CLYBL: variants seen among roughly 807,000 people sequenced by gnomAD.
The protein encoded by CLYBL is citramalyl-CoA lyase.
A neutral mutation model predicts 38.9 loss-of-function variants in CLYBL; 31 were observed. The observed-to-expected ratio is 0.80, with a 90% CI of 0.60 to 1.08. The LOEUF (loss-of-function observed/expected upper bound fraction) is 1.08, where lower values mean the gene tolerates loss of function less well. Among genes scored for constraint, CLYBL ranks in the 50% least tolerant of loss-of-function variants. CLYBL has a pLI of 0.00. For missense variants in CLYBL, 434 were observed against 411.6 expected (o/e 1.05, Z -0.47); for synonymous variants, 171 against 158.6 (o/e 1.08, Z -0.59).
chr13:99,756,458 A>G (rs1327938728), intron 1 of CLYBL, among the ~76,000 whole-genome samples: 2 of 152,144 alleles, frequency 1.3e-5, no homozygotes, highest in Non-Finnish European at 2.9e-5. Flanking sequence ...GAGTGATTTA[A>G]TTGGTTTGGA....
chr13:99,799,760 C>G (rs1390308568), intron 2 of CLYBL, among the ~76,000 whole-genome samples: 1 of 152,216 alleles, frequency 6.6e-6, no homozygotes, highest in African/African-American at 2.4e-5. Flanking sequence ...CTGTGCAGAT[C>G]CATCACATGT....
intron 1 of CLYBL, among the ~76,000 whole-genome samples, chr13:99,692,276 T>TG (rs1343394907): frequency 8.9e-6 from 1 of 111,996 alleles, no homozygotes; most frequent in Non-Finnish European, 2.0e-5. Context: ...AGTTCACATT[T>TG]GTTTTTTTTG....
chr13:99,697,807 C>G (rs979422168), intron 1 of CLYBL, among the ~76,000 whole-genome samples: 2 of 151,384 alleles, frequency 1.3e-5, no homozygotes, highest in Non-Finnish European at 2.9e-5. Flanking sequence ...CCACCACACC[C>G]AGCTAATTTT....
chr13:99,620,379 C>T (rs2046774334), intron 1 of CLYBL, among the ~76,000 whole-genome samples: 1 of 152,164 alleles, frequency 6.6e-6, no homozygotes, highest in African/African-American at 2.4e-5. Flanking sequence ...TCTGCCTGTT[C>T]TAGGGCCCAT....
intron 1 of CLYBL, among the ~76,000 whole-genome samples, chr13:99,748,445 T>TGG (rs1175810683): frequency 0.014 from 1,656 of 119,330 alleles, 37 homozygotes; most frequent in East Asian, 0.056. Flanking sequence ...TTTTTTTTTT[T>TGG]TTTTTTTTTT....
chr13:99,877,090 CAT>C (rs1213287635), intron 7 of CLYBL, among the ~76,000 whole-genome samples: 2 of 152,152 alleles, frequency 1.3e-5, no homozygotes, highest in African/African-American at 4.8e-5. Flanking sequence ...AGTCTCCCAA[CAT>C]AGATTGGAAA....
At chr13:99,837,266 A>G (rs1125310) in intron 2 of CLYBL, among the ~76,000 whole-genome samples, 11,939 of 152,114 alleles carry the variant, frequency 0.078, 711 homozygotes, top group East Asian at 0.21. Flanking sequence ...TGGGCAACAC[A>G]GTGAGATCCT....
intron 1 of CLYBL, among the ~76,000 whole-genome samples, chr13:99,735,974 G>C (rs564039842): frequency 4.1e-4 from 61 of 150,306 alleles, no homozygotes; most frequent in African/African-American, 1.4e-3. Flanking sequence ...TAAAGGAAGG[G>C]TCTTCTTAAA....
intron 2 of CLYBL, among the ~76,000 whole-genome samples, chr13:99,840,750 C>CAAAAAAAAAAAAAAAAAA (rs59274056): frequency 6.0e-5 from 1 of 16,788 alleles, no homozygotes; most frequent in Non-Finnish European, 1.0e-4. Context: ...ACCCTTGTCT[C>CAAAAAAAAAAAAAAAAAA]AAAAAAAAAA....
chr13:99,797,188 G>C (rs984559031), intron 2 of CLYBL, among the ~76,000 whole-genome samples: 1 of 152,166 alleles, frequency 6.6e-6, no homozygotes, highest in Admixed American at 6.5e-5. Flanking sequence ...TCATATAGAT[G>C]CATGTGTGGA....
intron 2 of CLYBL, among the ~76,000 whole-genome samples, chr13:99,829,936 G>T (rs1191994840): frequency 6.6e-6 from 1 of 152,196 alleles, no homozygotes; most frequent in Non-Finnish European, 1.5e-5. Flanking sequence ...GTCTCACGGG[G>T]TGGCACCAAG....
At chr13:99,860,009 A>G (rs1480058917) in intron 3 of CLYBL, among the ~76,000 whole-genome samples, 1 of 152,066 alleles carries the variant, frequency 6.6e-6, no homozygotes, top group Non-Finnish European at 1.5e-5. Context: ...TTGTTGTAAC[A>G]CCTACGAAAC....
intron 1 of CLYBL, among the ~76,000 whole-genome samples, chr13:99,611,383 T>C (rs1192417522): frequency 6.6e-6 from 1 of 152,208 alleles, no homozygotes; most frequent in Non-Finnish European, 1.5e-5. Flanking sequence ...TATAAATTTT[T>C]TTTTGCATCT....
intron 1 of CLYBL, among the ~76,000 whole-genome samples, chr13:99,766,604 T>C (rs1387842208): frequency 6.6e-6 from 1 of 152,194 alleles, no homozygotes; most frequent in African/African-American, 2.4e-5. Context: ...TGTCTTTGCA[T>C]TGAAGGATTA....
chr13:99,672,083 G>A (rs1276996054), intron 1 of CLYBL, among the ~76,000 whole-genome samples: 1 of 152,126 alleles, frequency 6.6e-6, no homozygotes. Context: ...TTTATACAGA[G>A]CTGTATTGTT....
At chr13:99,697,813 A>T (rs925007466) in intron 1 of CLYBL, among the ~76,000 whole-genome samples, 2 of 149,250 alleles carry the variant, frequency 1.3e-5, no homozygotes, top group Non-Finnish European at 3.0e-5. Context: ...CACCCAGCTA[A>T]TTTTTATATT....
chr13:99,647,612 T>C (rs1351369391), intron 1 of CLYBL, among the ~76,000 whole-genome samples: 1 of 152,176 alleles, frequency 6.6e-6, no homozygotes, highest in Non-Finnish European at 1.5e-5. Context: ...ATGTAAAAAA[T>C]GTAATTTTGG....
intron 7 of CLYBL, among the ~76,000 whole-genome samples, chr13:99,886,728 C>T (rs577111571): frequency 2.0e-5 from 3 of 152,338 alleles, no homozygotes; most frequent in South Asian, 2.1e-4. Flanking sequence ...AAAGATGGCC[C>T]TGATTGGGAA....
At chr13:99,635,988 A>G (rs2047012718) in intron 1 of CLYBL, among the ~76,000 whole-genome samples, 1 of 152,198 alleles carries the variant, frequency 6.6e-6, no homozygotes, top group African/African-American at 2.4e-5. Flanking sequence ...TTTCTCTCCC[A>G]TTAGACTATA....
Sources: gnomAD v4.1 joint callset for allele counts (sites outside exome capture counted in the v4.1 genomes callset) on GRCh38, gnomAD v4.1.1 for gene constraint, MANE v1.5 for transcripts, NCBI Gene and HGNC (gene_info 2026-07-23, HGNC 2026-07-21) for gene names.